Variants in DMD observed in about 807,000 individuals in gnomAD.
DMD encodes the protein dystrophin.
A neutral mutation model predicts 330.1 loss-of-function variants in DMD; 63 were observed. The ratio of observed to expected loss-of-function variants is 0.19; its 90% CI spans 0.16 to 0.24. DMD has a LOEUF of 0.24. DMD is among the 10% of genes least tolerant of loss of function. The pLI is 1.00. For missense variants in DMD, 3,344 were observed against 2,684.1 expected (o/e 1.25, Z -5.43); for synonymous variants, 1,223 against 959.8 (o/e 1.27, Z -5.07).
At chrX:32,783,815 A>T (rs1184526082) in intron 7 of DMD, among the ~76,000 whole-genome samples, 1 of 111,309 alleles carries the variant, frequency 9.0e-6, no homozygotes, top group Admixed American at 9.6e-5. Flanking sequence ...GTTCTCAGAT[A>T]GTGAGGCACA....
chrX:33,015,555 T>G (rs1220671856), intron 2 of DMD, among the ~76,000 whole-genome samples: 1 of 110,126 alleles, frequency 9.1e-6, no homozygotes, highest in East Asian at 2.9e-4. Flanking sequence ...GAAAAATAAT[T>G]AATGGGTACT....
In DMD at chrX:31,962,823, T is replaced by C. The variant is rs1299762762; in HGVS notation, c.6614+5516A>G. Among the ~76,000 whole-genome samples, 5 of 110,904 alleles carry C rather than the reference T, an allele frequency of 4.5e-5. No homozygotes were observed. The Admixed American group carries it at 4.8e-4, about 11-fold the overall frequency. On this transcript the variant is annotated intron_variant, in intron 45 of 78. Coordinates refer to ENST00000357033, the MANE Select transcript of DMD (RefSeq NM_004006.3). ...ACTGGCAATGAGAAAAAAAGGAAGT[T>C]TGAGTACAGAGCAAGCGGACGGGAC...
chrX:32,908,006 C>G (rs1161030967), intron 2 of DMD, among the ~76,000 whole-genome samples: 2 of 111,236 alleles, frequency 1.8e-5, no homozygotes, highest in African/African-American at 6.5e-5. Flanking sequence ...TACCTCAGCC[C>G]AAATCCCTCT....
intron 29 of DMD, among the ~76,000 whole-genome samples, chrX:32,436,136 C>A (rs1268181024): frequency 8.9e-6 from 1 of 112,262 alleles, no homozygotes; most frequent in Non-Finnish European, 1.9e-5. Context: ...GGGAGGCAGA[C>A]ACACACTTTC....
At chrX:31,717,555 C>CAA (rs2148946375) in intron 52 of DMD, among the ~76,000 whole-genome samples, 1 of 111,960 alleles carries the variant, frequency 8.9e-6, no homozygotes, top group Admixed American at 9.5e-5. Flanking sequence ...GTGGCTCCTA[C>CAA]AAGGGATTAG....
At chrX:32,032,012 C>T (rs971663013) in intron 44 of DMD, among the ~76,000 whole-genome samples, 19 of 111,518 alleles carry the variant, frequency 1.7e-4, no homozygotes, top group Admixed American at 3.8e-4. Context: ...CTGTTTTTAA[C>T]GCCAATATTA....
rs372626095 is a variant in DMD at position 32,864,681 on chromosome X, G to T, written c.94-14861C>A. Among the ~76,000 whole-genome samples the T allele has an allele frequency of 3.0e-4, 33 of 111,231 alleles. No homozygotes were observed. The East Asian group carries it at 8.5e-3, about 29-fold the overall frequency. ...ATCGGGGGTTTCATTAACTCCTCAG[G>T]ACTCCAGTGTGCTCAGCAGACTCAA... On this transcript the variant is annotated intron_variant, in intron 2 of 78. Transcript: ENST00000357033.
intron 7 of DMD, among the ~76,000 whole-genome samples, chrX:32,739,736 A>G (rs1158984654): frequency 9.0e-6 from 1 of 110,976 alleles, no homozygotes; most frequent in Non-Finnish European, 1.9e-5. Flanking sequence ...TTAAGAGAAG[A>G]GCTTTTATAC....
At chrX:31,628,943 A>ATAT (rs756897440) in intron 54 of DMD, among the ~76,000 whole-genome samples, 1 of 70,667 alleles carries the variant, frequency 1.4e-5, no homozygotes, top group African/African-American at 5.4e-5. Context: ...TATATATATA[A>ATAT]AATGCATGTA....
At chrX:32,965,493 CA>C (rs34853368) in intron 2 of DMD, among the ~76,000 whole-genome samples, 119 of 34,607 alleles carry the variant, frequency 3.4e-3, no homozygotes, top group Admixed American at 4.9e-3. Flanking sequence ...GACTCTGTCT[CA>C]AAAAAAAAAA....
intron 48 of DMD, among the ~76,000 whole-genome samples, chrX:31,858,254 G>A (rs1603502034): frequency 2.7e-5 from 3 of 111,470 alleles, no homozygotes; most frequent in African/African-American, 9.8e-5. Context: ...TTTCTAAGCC[G>A]TAAATTCAAC....
At chrX:31,449,463 T>C (rs1011014544) in intron 59 of DMD, among the ~76,000 whole-genome samples, 1 of 110,208 alleles carries the variant, frequency 9.1e-6, no homozygotes, top group Non-Finnish European at 1.9e-5. Flanking sequence ...TTGATCCAGG[T>C]TTGGGGTTTC....
chrX:31,879,054 G>A (rs1431821547), intron 47 of DMD, among the ~76,000 whole-genome samples: 1 of 111,704 alleles, frequency 9.0e-6, no homozygotes, highest in Non-Finnish European at 1.9e-5. Context: ...AGCAGATGAT[G>A]GGTAGGGTGA....
chrX:32,244,735 G>A (rs1417205684), intron 43 of DMD, among the ~76,000 whole-genome samples: 1 of 91,448 alleles, frequency 1.1e-5, no homozygotes, highest in African/African-American at 4.1e-5. Context: ...TTTTTCATGT[G>A]TTTTTTGGCT....
At chrX:31,896,984 C>T (rs1387325727) in intron 47 of DMD, among the ~76,000 whole-genome samples, 2 of 109,477 alleles carry the variant, frequency 1.8e-5, no homozygotes, top group African/African-American at 3.3e-5. Flanking sequence ...AGGTTAGTTA[C>T]ATATGTATAC....
At chrX:31,150,210 A>G (rs2037239672) in intron 74 of DMD, among the ~76,000 whole-genome samples, 1 of 111,569 alleles carries the variant, frequency 9.0e-6, no homozygotes, top group Admixed American at 9.5e-5. Flanking sequence ...ATATTTCTAG[A>G]CCTATATAGT....
chrX:31,170,506 C>T (rs2039886452), intron 73 of DMD, among the ~76,000 whole-genome samples: 1 of 111,013 alleles, frequency 9.0e-6, no homozygotes, highest in African/African-American at 3.3e-5. Context: ...TAATGACAGG[C>T]TAAAGCTCAT....
intron 2 of DMD, among the ~76,000 whole-genome samples, chrX:32,992,319 T>C (rs1044891485): frequency 2.7e-5 from 3 of 111,933 alleles, no homozygotes; most frequent in East Asian, 5.6e-4. Context: ...TTCAAAGCTA[T>C]AGTAATAAAA....
intron 45 of DMD, among the ~76,000 whole-genome samples, chrX:31,939,162 A>T (rs1430908828): frequency 8.9e-6 from 1 of 111,933 alleles, no homozygotes; most frequent in Admixed American, 9.5e-5. Flanking sequence ...TGATTTCTAC[A>T]CACACCTAGT....
Sources: allele counts gnomAD v4.1 joint callset (sites outside exome capture counted in the v4.1 genomes callset), GRCh38; gene constraint gnomAD v4.1.1; transcripts MANE v1.5; gene names NCBI Gene and HGNC (gene_info 2026-07-23, HGNC 2026-07-21).